RP1: variants seen among roughly 807,000 people sequenced by gnomAD.
The protein encoded by RP1 is RP1 axonemal microtubule associated.
Under a neutral mutation model 14.8 loss-of-function variants are expected in RP1, and 16 were observed. That is an observed-to-expected ratio of 1.08 (90% CI 0.73 to 1.65). The LOEUF is 1.65. Ranked by LOEUF, RP1 falls within the 40% of genes most tolerant of loss-of-function variation. The pLI is 0.00. For missense variants in RP1, 2,631 were observed against 2,535.0 expected, an observed-to-expected ratio of 1.04 and a Z score of -0.81; for synonymous variants, 876 against 883.6, an observed-to-expected ratio of 0.99 and a Z score of 0.15.
At chr8:54,781,969 G>A (rs1047998117) in intron 23 of RP1, among the ~76,000 whole-genome samples, 8 of 152,034 alleles carry the variant, frequency 5.3e-5, no homozygotes, top group Non-Finnish European at 1.0e-4. Context: ...ACTTATTCCC[G>A]TCCCTCCCCC....
At chr8:54,686,821 G>GT (rs929785823) in intron 12 of RP1, among the ~76,000 whole-genome samples, 17 of 151,904 alleles carry the variant, frequency 1.1e-4, no homozygotes, top group Admixed American at 3.9e-4. Context: ...GATTCATATA[G>GT]TTTTTTTAAT....
intron 7 of RP1, among the ~76,000 whole-genome samples, chr8:54,665,701 A>G (rs927963372): frequency 1.2e-4 from 18 of 152,142 alleles, no homozygotes; most frequent in Non-Finnish European, 4.4e-5. Flanking sequence ...ATCAGTTCTT[A>G]GAGACAGGTG....
chr8:54,646,445 A>T (rs891635152), intron 3 of RP1, among the ~76,000 whole-genome samples: 1 of 152,130 alleles, frequency 6.6e-6, no homozygotes, highest in Non-Finnish European at 1.5e-5. Flanking sequence ...CCTCATATAG[A>T]TTACAAGCTA....
intron 24 of RP1, among the ~76,000 whole-genome samples, chr8:54,792,931 G>A (rs1049716996): frequency 2.0e-5 from 3 of 151,608 alleles, no homozygotes; most frequent in Non-Finnish European, 3.0e-5. Flanking sequence ...ATAAACTTAA[G>A]CCTCTAGCTA....
chr8:54,734,857 CT>C, intron 18 of RP1: 4 of 805,906 alleles, frequency 5.0e-6, no homozygotes, highest in Non-Finnish European at 7.0e-6. Flanking sequence ...AACCTCTGGT[CT>C]TTTAGAATGC....
chr8:54,738,843 T>C (rs530480723), intron 18 of RP1: 169 of 658,904 alleles, frequency 2.6e-4, no homozygotes, highest in South Asian at 1.5e-3. Flanking sequence ...TTTTTAACTA[T>C]TAGGAACAAA....
chr8:54,856,981 A>G, intron 26 of RP1: 1 of 599,792 alleles, frequency 1.7e-6, no homozygotes. Flanking sequence ...TTTTCTAGAG[A>G]AAGGAAATAT....
At chr8:54,776,062 G>A (rs1438629926) in intron 23 of RP1, among the ~76,000 whole-genome samples, 1 of 152,030 alleles carries the variant, frequency 6.6e-6, no homozygotes, top group Non-Finnish European at 1.5e-5. Flanking sequence ...ACAACAGAAA[G>A]TAATACACAT....
chr8:54,731,903 G>A (rs1458453223), intron 17 of RP1, among the ~76,000 whole-genome samples: 1 of 152,128 alleles, frequency 6.6e-6, no homozygotes, highest in Non-Finnish European at 1.5e-5. Context: ...TCTTACCTCA[G>A]TCTGTCCCTG....
At chr8:54,591,869 C>G (rs938369516) in intron 1 of RP1, among the ~76,000 whole-genome samples, 4 of 152,152 alleles carry the variant, frequency 2.6e-5, no homozygotes, top group Non-Finnish European at 4.4e-5. Flanking sequence ...CCCAGGCTTA[C>G]TCACAGGGTG....
intron 7 of RP1, among the ~76,000 whole-genome samples, chr8:54,669,143 A>T (rs1807084795): frequency 6.6e-6 from 1 of 152,204 alleles, no homozygotes; most frequent in Non-Finnish European, 1.5e-5. Context: ...CAAAAGGCTA[A>T]TACCCAGAAT....
intron 22 of RP1, among the ~76,000 whole-genome samples, chr8:54,761,710 T>G (rs1809644518): frequency 1.3e-5 from 2 of 152,220 alleles, no homozygotes. Flanking sequence ...TATTAAATGC[T>G]AATATTTAAT....
chr8:54,814,831 T>C (rs1235882217), intron 24 of RP1, among the ~76,000 whole-genome samples: 2 of 152,132 alleles, frequency 1.3e-5, no homozygotes, highest in African/African-American at 4.8e-5. Context: ...AAAGCTCCAG[T>C]ATGTCTTTGG....
At chr8:54,847,286 G>C (rs2129406634) in intron 25 of RP1, among the ~76,000 whole-genome samples, 1 of 152,276 alleles carries the variant, frequency 6.6e-6, no homozygotes, top group East Asian at 1.9e-4. Context: ...CTTTCAGTCT[G>C]TTTCAGAAAT....
At chr8:54,748,086 C>A (rs908312968) in intron 19 of RP1, among the ~76,000 whole-genome samples, 1 of 152,166 alleles carries the variant, frequency 6.6e-6, no homozygotes, top group Non-Finnish European at 1.5e-5. Context: ...TTATTTTAAC[C>A]TACTGCTGGT....
intron 13 of RP1, among the ~76,000 whole-genome samples, chr8:54,699,987 A>G (rs1388310102): frequency 1.3e-5 from 2 of 152,204 alleles, no homozygotes; most frequent in Non-Finnish European, 2.9e-5. Flanking sequence ...GATAACTTTA[A>G]TGCACTGTTT....
At chr8:54,741,707 GTATATATATATATATATATATATA>G (rs372225314) in intron 19 of RP1, among the ~76,000 whole-genome samples, 231 of 58,040 alleles carry the variant, frequency 4.0e-3, no homozygotes, top group Middle Eastern at 0.023. Context: ...AAATGTGTGT[GTATATATATATATATATATATATA>G]TATATATATA....
intron 1 of RP1, among the ~76,000 whole-genome samples, chr8:54,592,840 G>T (rs1251313975): frequency 6.6e-6 from 1 of 152,088 alleles, no homozygotes; most frequent in Admixed American, 6.6e-5. Flanking sequence ...CAGGAAGGGG[G>T]AAAATGGGAC....
chr8:54,794,585 T>A (rs939780535), intron 24 of RP1, among the ~76,000 whole-genome samples: 15 of 151,962 alleles, frequency 9.9e-5, no homozygotes, highest in Non-Finnish European at 1.9e-4. Flanking sequence ...TTCACAAAAA[T>A]TAATTATAAA....
Sources: gnomAD v4.1 joint callset for allele counts (sites outside exome capture counted in the v4.1 genomes callset) on GRCh38, gnomAD v4.1.1 for gene constraint, MANE v1.5 for transcripts, NCBI Gene and HGNC (gene_info 2026-07-23, HGNC 2026-07-21) for gene names.